PRR14L: variants seen among roughly 807,000 people sequenced by gnomAD.
PRR14L encodes the protein proline rich 14 like, also known as protein PRR14L.
Under a neutral mutation model 155.0 loss-of-function variants are expected in PRR14L, and 80 were observed. The ratio of observed to expected loss-of-function variants is 0.52; its 90% confidence interval spans 0.43 to 0.62. PRR14L has a LOEUF of 0.62. Ranked by LOEUF, PRR14L falls within the 20% of genes least tolerant of loss-of-function variation. The pLI is 0.00. For synonymous variants in PRR14L, 883 were observed against 916.0 expected (o/e 0.96, Z 0.65); for missense variants, 2,469 against 2,548.0 (o/e 0.97, Z 0.67).
At chr22:31,721,694 T>C (rs1246996739) in intron 3 of PRR14L, among the ~76,000 whole-genome samples, 2 of 152,186 alleles carry the variant, frequency 1.3e-5, no homozygotes, top group African/African-American at 4.8e-5. Context: ...AGAGAAGAAT[T>C]TGAATGGTTC....
intron 3 of PRR14L, among the ~76,000 whole-genome samples, chr22:31,718,858 G>A (rs151052314): frequency 2.6e-5 from 4 of 152,112 alleles, no homozygotes; most frequent in South Asian, 2.1e-4. Flanking sequence ...TGGATCACAC[G>A]AGGTCAGGAG....
At chr22:31,737,349 T>C (rs764763299) in intron 2 of PRR14L, among the ~76,000 whole-genome samples, 2 of 151,762 alleles carry the variant, frequency 1.3e-5, no homozygotes, top group Non-Finnish European at 2.9e-5. Flanking sequence ...GGCGTAATGG[T>C]AGGTGCCTAT....
chr22:31,745,861 A>AAAAT (rs1556487354), intron 1 of PRR14L, among the ~76,000 whole-genome samples: 8 of 132,348 alleles, frequency 6.0e-5, no homozygotes, highest in African/African-American at 2.4e-4. Flanking sequence ...AAAAAAAAAA[A>AAAAT]ATATATATAT....
chr22:31,698,695 C>T (rs1002747321), intron 7 of PRR14L, among the ~76,000 whole-genome samples: 4 of 151,738 alleles, frequency 2.6e-5, no homozygotes, highest in South Asian at 2.1e-4. Context: ...CCGAGGTGGG[C>T]GGATCACGGG....
At chr22:31,742,802 AG>A (rs1432926471) in intron 1 of PRR14L, among the ~76,000 whole-genome samples, 2 of 152,254 alleles carry the variant, frequency 1.3e-5, no homozygotes, top group Non-Finnish European at 1.5e-5. Flanking sequence ...ATAGTCAAAA[AG>A]TATAAGCAAT....
intron 7 of PRR14L, among the ~76,000 whole-genome samples, chr22:31,693,697 G>T (rs530305340): frequency 1.2e-4 from 19 of 152,286 alleles, no homozygotes; most frequent in African/African-American, 4.1e-4. Context: ...AGCAGTGAAT[G>T]AGAGTGCCTG....
chr22:31,715,069 G>C lies in PRR14L; in HGVS notation c.2770C>G (p.His924Asp). The C allele has an allele frequency of 1.3e-6, 2 of 1,551,112 alleles. No individual in the cohort carries two copies. The highest frequency in any genetic ancestry group is 1.7e-6 in the Non-Finnish European group (2 of 1,146,322). ...TVFCKYNISD[H>D]AIQELNQTVN... The stretch of plus-strand genomic sequence containing the variant: ...GTCTGGTTTAGTTCTTGTATAGCAT[G>C]ATCAGAGATGTTATACTTACAAAAT... The change falls in exon 4 of 9, where the codon CAT becomes GAT. Residue 924 changes from histidine to aspartate, a missense_variant. His to Asp is a moderately conservative substitution (Grantham distance 81). Around this residue, in one of 2 missense-constraint regions of PRR14L, gnomAD observed 2,363 missense variants for 2,371.6 expected, o/e 1.00. Coordinates refer to ENST00000327423, the MANE Select transcript of PRR14L (RefSeq NM_173566.3).
intron 4 of PRR14L, among the ~76,000 whole-genome samples, chr22:31,706,107 G>A (rs2074589447): frequency 6.6e-6 from 1 of 151,510 alleles, no homozygotes; most frequent in South Asian, 2.1e-4. Context: ...TGAGGCGGGT[G>A]GATCACCTGA....
In PRR14L at chr22:31,714,127, T is replaced by A; in HGVS notation, c.3712A>T (p.Ile1238Phe). 6.4e-7 allele frequency: 1 copy of A among 1,551,480 alleles called. No homozygotes were observed. Residue 1238 changes from isoleucine to phenylalanine, a missense_variant, in exon 4 of 9, where the codon ATT (isoleucine) becomes TTT (phenylalanine). Physicochemically the swap from Ile to Phe is conservative, Grantham distance 21. Around this residue, in one of 2 missense-constraint regions of PRR14L, gnomAD observed 2,363 missense variants for 2,371.6 expected, o/e 1.00. Transcript: ENST00000327423. ...SSVSLRSLKS[I>F]EIMPSQENSE... is the part of the protein sequence containing the mutation. The stretch of plus-strand genomic sequence containing the variant: ...TTTTCTTGAGAAGGCATTATTTCAA[T>A]GGATTTCAGGCTTCTTAGGGAAACA...
At chr22:31,729,779 T>C (rs1236755784) in intron 2 of PRR14L, among the ~76,000 whole-genome samples, 1 of 152,104 alleles carries the variant, frequency 6.6e-6, no homozygotes, top group Non-Finnish European at 1.5e-5. Context: ...AGTTACTATT[T>C]AATGCGTACT....
At chr22:31,709,121 C>A (rs1220363965) in intron 4 of PRR14L, among the ~76,000 whole-genome samples, 4 of 151,770 alleles carry the variant, frequency 2.6e-5, no homozygotes, top group African/African-American at 7.3e-5. Context: ...CTGTGCCCAG[C>A]TGACATGGGA....
At chr22:31,738,950 T>C (rs2074797833) in intron 1 of PRR14L, 39 bp from the exon 2 acceptor site, 2 of 921,688 alleles carry the variant, frequency 2.2e-6, no homozygotes, top group Non-Finnish European at 3.2e-6. Flanking sequence ...GTTTAAAACC[T>C]TGATAGGTTA....
intron 1 of PRR14L, among the ~76,000 whole-genome samples, chr22:31,746,554 A>G (rs908534704): frequency 1.3e-5 from 2 of 152,234 alleles, no homozygotes; most frequent in Non-Finnish European, 2.9e-5. Context: ...AGGTATAAGC[A>G]AAAAATAAAC....
At chr22:31,725,894 C>A (rs1043961142) in intron 2 of PRR14L, among the ~76,000 whole-genome samples, 5 of 151,942 alleles carry the variant, frequency 3.3e-5, no homozygotes, top group Admixed American at 6.6e-5. Flanking sequence ...GTCTTGAACT[C>A]CTGACCTCAA....
At chr22:31,746,814 T>G (rs1469495336) in intron 1 of PRR14L, among the ~76,000 whole-genome samples, 2 of 141,660 alleles carry the variant, frequency 1.4e-5, no homozygotes, top group East Asian at 3.9e-4. Flanking sequence ...TTTTTTTTTT[T>G]GAGACGGAGT....
At chr22:31,743,944 A>G (rs2074825253) in intron 1 of PRR14L, among the ~76,000 whole-genome samples, 1 of 151,254 alleles carries the variant, frequency 6.6e-6, no homozygotes, top group South Asian at 2.1e-4. Flanking sequence ...TGAGTCTTTG[A>G]GTCTTTCTAC....
At chr22:31,749,365 G>A (rs1026270419) in intron 1 of PRR14L, among the ~76,000 whole-genome samples, 1 of 152,206 alleles carries the variant, frequency 6.6e-6, no homozygotes, top group Non-Finnish European at 1.5e-5. Context: ...CACGAGGGGA[G>A]AGGGAGAAAG....
intron 7 of PRR14L, among the ~76,000 whole-genome samples, 153 bp from the exon 8 acceptor site, chr22:31,688,380 G>A (rs2074493359): frequency 6.6e-6 from 1 of 150,744 alleles, no homozygotes; most frequent in South Asian, 2.1e-4. Flanking sequence ...TCAGCCTCCT[G>A]AGTAGCTGGG....
chr22:31,713,902 G>A lies in PRR14L; in HGVS notation c.3937C>T (p.His1313Tyr), dbSNP rs572612867. ...CTGTCAGAGGAATTCTCGTGAGGGT[G>A]ACAAGCTTTGCAAGCATTCTTTTCC... ...CVEKNACKACHPHENSSDRHL... is the reference protein window; with the variant it reads ...CVEKNACKACYPHENSSDRHL... The change falls in exon 4 of 9, where the codon CAC becomes TAC. Residue 1313 changes from histidine (H) to tyrosine (Y), a missense_variant. Physicochemically the swap from His to Tyr is moderately conservative, Grantham distance 83. Around this residue, in one of 2 missense-constraint regions of PRR14L, gnomAD observed 2,363 missense variants for 2,371.6 expected, o/e 1.00. Transcript: ENST00000327423. 2.6e-6 allele frequency: 4 copies of A among 1,551,816 alleles called. No individual in the cohort carries two copies. The highest frequency in any genetic ancestry group is 3.5e-6 in the Non-Finnish European group (4 of 1,147,038).
Sources: gnomAD v4.1 joint callset for allele counts (sites outside exome capture counted in the v4.1 genomes callset) on GRCh38, gnomAD v4.1.1 for gene constraint, gnomAD v4.1.1 regional missense constraint, MANE v1.5 for transcripts, NCBI Gene and HGNC (gene_info 2026-07-23, HGNC 2026-07-21) for gene names.